The following HORMAD1 variants were observed in gnomAD, a reference collection of about 807,000 sequenced individuals.
HORMAD1 encodes HORMA domain-containing protein 1.
In HORMAD1, 33 loss-of-function variants were observed where a neutral mutation model predicts 58.2. The observed-to-expected ratio is 0.57, with a 90% CI of 0.43 to 0.76. HORMAD1 has a LOEUF of 0.76. Ranked by LOEUF, HORMAD1 falls within the 30% of genes least tolerant of loss-of-function variation. The probability of loss-of-function intolerance (pLI) is 0.00; values close to 1 mark genes in which losing one functional copy is unlikely to be tolerated. For synonymous variants in HORMAD1, 137 were observed against 144.6 expected, an observed-to-expected ratio of 0.95 and a Z score of 0.38; for missense variants, 363 against 462.0, an observed-to-expected ratio of 0.79 and a Z score of 1.96.
At chr1:150,698,845 C>T in intron 14 of HORMAD1, 111 bp from the exon 15 acceptor site, 1 of 584,536 alleles carries the variant, frequency 1.7e-6, no homozygotes, top group Non-Finnish European at 3.0e-6. Flanking sequence ...AAATTTATGC[C>T]TAGCATACCT....
intron 3 of HORMAD1, among the ~76,000 whole-genome samples, chr1:150,716,646 T>C (rs1265662640): frequency 1.3e-5 from 2 of 151,640 alleles, no homozygotes; most frequent in African/African-American, 4.8e-5. Flanking sequence ...GTGATGGTTG[T>C]ACAAATCTGT....
intron 6 of HORMAD1, 117 bp from the exon 7 acceptor site, chr1:150,711,688 C>T (rs78066213): frequency 0.012 from 11,398 of 963,020 alleles, 342 homozygotes; most frequent in East Asian, 0.11. Context: ...AAATGACCAC[C>T]CAAAATATTA....
chr1:150,708,043 G>A (rs757392731), intron 9 of HORMAD1, among the ~76,000 whole-genome samples: 1 of 152,132 alleles, frequency 6.6e-6, no homozygotes, highest in South Asian at 2.1e-4. Flanking sequence ...TTTGAGTGAG[G>A]TTATACTTCA....
At chr1:150,711,475 T>C in intron 7 of HORMAD1, 70 bp downstream of exon 7, 1 of 1,014,916 alleles carries the variant, frequency 9.9e-7, no homozygotes, top group South Asian at 1.3e-5. Context: ...AAGATATTCT[T>C]ATATTATGTT....
At chr1:150,712,824 G>A (rs1403493940) in intron 5 of HORMAD1, among the ~76,000 whole-genome samples, 1 of 152,180 alleles carries the variant, frequency 6.6e-6, no homozygotes, top group Non-Finnish European at 1.5e-5. Context: ...TAGGATTACA[G>A]GCATGAGCCA....
intron 2 of HORMAD1, 113 bp downstream of exon 2, chr1:150,719,360 G>A: frequency 1.5e-6 from 1 of 678,326 alleles, no homozygotes; most frequent in Non-Finnish European, 2.6e-6. Context: ...CAGTTTCCTG[G>A]TATCATAAAA....
In HORMAD1 at chr1:150,713,840, G is replaced by A. The variant is rs1049433446; in HGVS notation, c.279+245C>T. The A allele has an allele frequency of 2.6e-5, 11 of 427,616 alleles. No homozygotes were observed. In the Admixed American group the frequency reaches 4.1e-4, roughly 16 times the overall value. 26.5% of individuals were successfully genotyped at this position (427,616 alleles called of 1,614,324 possible). A position where few individuals can be genotyped will look rare whatever the true frequency, so the allele number is the denominator to read the frequency against. On this transcript the variant is annotated intron_variant, in intron 5 of 14. Transcript: ENST00000361824. ...CATTAACTTTTTTGTAAGTTAACAC[G>A]TGTTATTAATACAAATAAGTGTTAA...
chr1:150,698,433 G>A lies in HORMAD1; in HGVS notation c.*221C>T, dbSNP rs587606524. 15 of 320,954 alleles carry A rather than the reference G, an allele frequency of 4.7e-5. No individual in the cohort carries two copies. Among genetic ancestry groups the A allele is most frequent in the African/African-American group, 1.1e-4 (5 of 46,710 alleles). 19.9% of individuals were successfully genotyped at this position (320,954 alleles called of 1,614,324 possible). ...CAATTTTGAAATTTTACTTATTACC[G>A]AATCAATTATGACATTTGTACTTTT... On this transcript the variant is annotated 3_prime_UTR_variant, in exon 15 of 15. Transcript: ENST00000361824.
chr1:150,718,243 T>C (rs935301776), intron 2 of HORMAD1, among the ~76,000 whole-genome samples: 46 of 152,090 alleles, frequency 3.0e-4, no homozygotes, highest in African/African-American at 1.1e-3. Flanking sequence ...CCCATTAGCC[T>C]ATCTGTCCCT....
intron 7 of HORMAD1, among the ~76,000 whole-genome samples, chr1:150,709,868 G>A (rs917827811): frequency 1.3e-5 from 2 of 152,220 alleles, no homozygotes; most frequent in African/African-American, 4.8e-5. Flanking sequence ...TTTGGGTGGT[G>A]AGAAACAAAT....
intron 4 of HORMAD1, 117 bp downstream of exon 4, chr1:150,714,498 T>C (rs1006793720): frequency 4.2e-6 from 2 of 477,674 alleles, no homozygotes; most frequent in Non-Finnish European, 7.5e-6. Context: ...AAAAATGCTA[T>C]CTAGCATTAA....
At chr1:150,717,034 GCTT>G in intron 3 of HORMAD1, 101 bp downstream of exon 3, 1 of 593,854 alleles carries the variant, frequency 1.7e-6, no homozygotes, top group Non-Finnish European at 2.8e-6. Flanking sequence ...TATTAATAAA[GCTT>G]CTATTAAAAT....
chr1:150,711,411 T>G, intron 7 of HORMAD1, 134 bp downstream of exon 7: 1 of 700,094 alleles, frequency 1.4e-6, no homozygotes, highest in East Asian at 2.7e-5. Flanking sequence ...TTTATGAAGC[T>G]CAAATGTGAA....
At chr1:150,717,099 C>G (rs760700535) in intron 3 of HORMAD1, 39 bp downstream of exon 3, 2 of 1,312,910 alleles carry the variant, frequency 1.5e-6, no homozygotes, top group East Asian at 5.1e-5. Context: ...AATAAAAATA[C>G]CATTTTAAAA....
chr1:150,707,281 A>T (rs1234004635), intron 9 of HORMAD1, among the ~76,000 whole-genome samples: 2 of 152,254 alleles, frequency 1.3e-5, no homozygotes, highest in Admixed American at 6.5e-5. Flanking sequence ...TAAAAAACAC[A>T]AATGAGCTCA....
At chr1:150,720,497 G>T (rs887751069) in intron 1 of HORMAD1, among the ~76,000 whole-genome samples, 2 of 152,120 alleles carry the variant, frequency 1.3e-5, no homozygotes, top group South Asian at 4.1e-4. Flanking sequence ...ACTGTGTCCG[G>T]CCCCAGTTTC....
At chr1:150,717,026 T>A in intron 3 of HORMAD1, 112 bp downstream of exon 3, 1 of 585,990 alleles carries the variant, frequency 1.7e-6, no homozygotes. Context: ...GTGAATTGTA[T>A]TAATAAAGCT....
At chr1:150,712,917 C>T (rs1307403654) in intron 5 of HORMAD1, among the ~76,000 whole-genome samples, 1 of 152,144 alleles carries the variant, frequency 6.6e-6, no homozygotes, top group Non-Finnish European at 1.5e-5. Flanking sequence ...TTTCTTTGCA[C>T]CTAAAATAAA....
intron 5 of HORMAD1, among the ~76,000 whole-genome samples, chr1:150,712,693 C>T (rs1012621661): frequency 3.9e-5 from 6 of 152,040 alleles, no homozygotes; most frequent in Admixed American, 1.3e-4. Context: ...GGATTACAGG[C>T]GCGCCAACAC....
Sources: gnomAD v4.1 joint callset for allele counts (sites outside exome capture counted in the v4.1 genomes callset) on GRCh38, gnomAD v4.1.1 for gene constraint, MANE v1.5 for transcripts, NCBI Gene and HGNC (gene_info 2026-07-23, HGNC 2026-07-21) for gene names.